The following ATP11A variants were observed in gnomAD, a reference collection of about 807,000 sequenced individuals.
The protein encoded by ATP11A is phospholipid-transporting ATPase IH.
ATP11A carries 81 observed loss-of-function variants against 154.4 expected under a neutral mutation model. That is an observed-to-expected ratio of 0.52 (90% confidence interval 0.44 to 0.63). The LOEUF (loss-of-function observed/expected upper bound fraction) is 0.63. Ranked by LOEUF, ATP11A falls within the 30% of genes least tolerant of loss-of-function variation. The pLI is 0.00. For synonymous variants in ATP11A, 623 were observed against 585.9 expected, an observed-to-expected ratio of 1.06 and a Z score of -0.91; for missense variants, 1,316 against 1,474.3, an observed-to-expected ratio of 0.89 and a Z score of 1.76.
At chr13:112,812,413 C>T (rs2078527166) in intron 5 of ATP11A, among the ~76,000 whole-genome samples, 1 of 152,202 alleles carries the variant, frequency 6.6e-6, no homozygotes, top group Admixed American at 6.5e-5. Context: ...GTTTTCCCAG[C>T]TGAGCCGTAG....
chr13:112,876,096 T>A, intron 28 of ATP11A, 155 bp downstream of exon 28: 2 of 737,512 alleles, frequency 2.7e-6, no homozygotes, highest in Non-Finnish European at 4.0e-6. Context: ...TGCATGATGT[T>A]AAACATCAGG....
chr13:112,856,122 G>A (rs1184114463), intron 20 of ATP11A, 37 bp downstream of exon 20: 1 of 1,590,682 alleles, frequency 6.3e-7, no homozygotes, highest in Non-Finnish European at 8.6e-7. Flanking sequence ...GGTGGTCAGG[G>A]CGTCCAAAAC....
intron 19 of ATP11A, among the ~76,000 whole-genome samples, chr13:112,854,780 G>A (rs909859721): frequency 2.0e-5 from 3 of 152,198 alleles, no homozygotes; most frequent in South Asian, 2.1e-4. Context: ...TCACACTGCC[G>A]GCTAACAGAT....
At chr13:112,693,026 CCTT>C (rs1446354721) in intron 1 of ATP11A, among the ~76,000 whole-genome samples, 1 of 152,170 alleles carries the variant, frequency 6.6e-6, no homozygotes, top group Admixed American at 6.5e-5. Context: ...CTTTCCAGCT[CCTT>C]CTGATGTGTG....
At chr13:112,829,061 G>A (rs994304415) in intron 12 of ATP11A, among the ~76,000 whole-genome samples, 4 of 152,320 alleles carry the variant, frequency 2.6e-5, no homozygotes, top group South Asian at 2.1e-4. Context: ...GTGCTATTGC[G>A]CCGTTTCTCA....
intron 1 of ATP11A, among the ~76,000 whole-genome samples, chr13:112,757,933 G>C (rs1251739526): frequency 6.6e-6 from 1 of 152,214 alleles, no homozygotes. Flanking sequence ...GGGCCAGCGT[G>C]GTGGGGTTCC....
chr13:112,875,996 T>C lies in ATP11A; in HGVS notation c.3327+55T>C. The C allele has an allele frequency of 1.3e-6, 2 of 1,564,826 alleles. No individual in the cohort carries two copies. Among genetic ancestry groups the C allele is most frequent in the Non-Finnish European group, 8.7e-7 (1 of 1,155,984 alleles). ...TGCCTCAGGGCCCTGGCCTTAGGAT[T>C]GGGAGATGACCGTTTTGAAAGACAG... On this transcript the variant is annotated intron_variant, in intron 28 of 29. Transcript: ENST00000375645. The surrounding 1 kb of genome is among the most constrained non-coding windows in gnomAD (Gnocchi z 4.1).
At chr13:112,840,524 C>T (rs1396066236) in intron 16 of ATP11A, among the ~76,000 whole-genome samples, 8 of 131,928 alleles carry the variant, frequency 6.1e-5, no homozygotes, top group Admixed American at 3.0e-4. Flanking sequence ...TCTCATCCCC[C>T]CCCAGCCTCA....
intron 1 of ATP11A, among the ~76,000 whole-genome samples, chr13:112,701,879 G>A (rs952310871): frequency 3.3e-5 from 5 of 151,952 alleles, no homozygotes; most frequent in African/African-American, 1.2e-4. Context: ...GTTCCGCGTC[G>A]CCCTTTTCCT....
rs1375925610 is a variant in ATP11A at position 112,882,720 on chromosome 13, A to T, written c.*854A>T. 1.5e-5 allele frequency: 6 copies of T among 400,028 alleles called. No homozygotes were observed. Among genetic ancestry groups the T allele is most frequent in the East Asian group, 3.6e-5 (1 of 28,058 alleles). The allele number at this position is 400,028 out of a possible 1,614,324, so 24.8% of individuals were successfully genotyped here. A position where few individuals can be genotyped will look rare whatever the true frequency, so the allele number is the denominator to read the frequency against. On this transcript the variant is annotated 3_prime_UTR_variant, in exon 30 of 30. Transcript: ENST00000375645. This position sits in a 1 kb window ranked among gnomAD's most constrained non-coding sequence, Gnocchi z 5.1. ...CCAGCCCTGCCGCAGAAGTGCCAGG[A>T]TGTCCATCAGCCACTCGCCAGGGCA... is the stretch of plus-strand genomic sequence containing the variant.
intron 1 of ATP11A, among the ~76,000 whole-genome samples, chr13:112,707,443 A>G (rs936890752): frequency 6.6e-6 from 1 of 150,576 alleles, no homozygotes; most frequent in African/African-American, 2.5e-5. Context: ...AAGAAGAAGA[A>G]GTTTTGCAGA....
At chr13:112,727,158 C>T (rs1282128222) in intron 1 of ATP11A, among the ~76,000 whole-genome samples, 1 of 152,228 alleles carries the variant, frequency 6.6e-6, no homozygotes, top group Non-Finnish European at 1.5e-5. Flanking sequence ...AGCGATTCTT[C>T]TGCCTCAGTC....
At chr13:112,836,103 A>C (rs2079227137) in intron 15 of ATP11A, 75 bp from the exon 16 acceptor site, 3 of 1,106,158 alleles carry the variant, frequency 2.7e-6, no homozygotes, top group Non-Finnish European at 4.1e-6. Flanking sequence ...TCTGCTGTGG[A>C]GAGCTCCACA....
intron 24 of ATP11A, 109 bp downstream of exon 24, chr13:112,860,523 A>G: frequency 7.8e-7 from 1 of 1,290,202 alleles, no homozygotes; most frequent in Non-Finnish European, 1.1e-6. Context: ...GGCCAGAAGC[A>G]TTCGGCATCT....
intron 1 of ATP11A, among the ~76,000 whole-genome samples, chr13:112,741,545 C>T (rs1891545143): frequency 6.6e-6 from 1 of 152,140 alleles, no homozygotes; most frequent in Non-Finnish European, 1.5e-5. Flanking sequence ...GTTGCATCAG[C>T]GGTGGAGGGT....
At chr13:112,795,375 C>T (rs2077973760) in intron 2 of ATP11A, among the ~76,000 whole-genome samples, 1 of 152,200 alleles carries the variant, frequency 6.6e-6, no homozygotes, top group African/African-American at 2.4e-5. Flanking sequence ...CCAGAACTTC[C>T]TCGTGTAACA....
intron 1 of ATP11A, among the ~76,000 whole-genome samples, chr13:112,721,136 G>A (rs1406687140): frequency 6.6e-6 from 1 of 152,178 alleles, no homozygotes; most frequent in Admixed American, 6.5e-5. Flanking sequence ...GAAGTGGAAG[G>A]GTCTGGGTTG....
chr13:112,835,789 G>C (rs983023667), intron 15 of ATP11A, among the ~76,000 whole-genome samples: 5 of 152,258 alleles, frequency 3.3e-5, no homozygotes, highest in African/African-American at 9.6e-5. Flanking sequence ...TGATCTCTTA[G>C]GGTAACGCCA....
chr13:112,863,170 C>T (rs2080176071), intron 25 of ATP11A, among the ~76,000 whole-genome samples: 9 of 150,646 alleles, frequency 6.0e-5, no homozygotes, highest in African/African-American at 2.2e-4. Context: ...TGCAGCTTCC[C>T]AGCGGGGTCC....
Sources: gnomAD v4.1 joint callset for allele counts (sites outside exome capture counted in the v4.1 genomes callset) on GRCh38, gnomAD v4.1.1 for gene constraint, Gnocchi (gnomAD v3.1) non-coding constraint, MANE v1.5 for transcripts, NCBI Gene and HGNC (gene_info 2026-07-23, HGNC 2026-07-21) for gene names.